Variants in ATP6V0A2 observed in about 807,000 individuals in gnomAD.
The protein encoded by ATP6V0A2 is V-type proton ATPase 116 kDa subunit a 2.
ATP6V0A2 carries 58 observed loss-of-function variants against 104.4 expected under a neutral mutation model. The ratio of observed to expected loss-of-function variants is 0.56; its 90% CI spans 0.45 to 0.69. The LOEUF is 0.69. Ranked by LOEUF, ATP6V0A2 falls within the 30% of genes least tolerant of loss-of-function variation. The pLI, the probability that ATP6V0A2 is intolerant of heterozygous loss-of-function variation, is 0.00. For missense variants in ATP6V0A2, 938 were observed against 1,062.9 expected (o/e 0.88, Z 1.63); for synonymous variants, 376 against 397.9 (o/e 0.95, Z 0.65).
rs564306412 is a variant in ATP6V0A2 at position 123,722,720 on chromosome 12, G to T, written c.294+272G>T. Among the ~76,000 whole-genome samples the T allele has an allele frequency of 5.9e-5, 9 of 152,202 alleles. No individual in the cohort carries two copies. In the South Asian group the frequency reaches 8.3e-4, roughly 14 times the overall value. On this transcript the variant is annotated intron_variant, in intron 3 of 19. Transcript: ENST00000330342. ...GGTGAACAGAGGCAACAAGAATCAG[G>T]CCATCAAGCCTGATTGATGGATCAG...
In ATP6V0A2 at chr12:123,754,144, C is replaced by G. The variant is rs538304340; in HGVS notation, c.2176-276C>G. 43 of 567,686 alleles carry G rather than the reference C, an allele frequency of 7.6e-5. 1 individual carries two copies. The South Asian group carries it at 9.9e-4, about 13-fold the overall frequency. 35.2% of individuals were successfully genotyped at this position (567,686 alleles called of 1,614,324 possible). A position where few individuals can be genotyped will look rare whatever the true frequency, so the allele number is the denominator to read the frequency against. ...GGCCACGGCAGTTCCTCTGGTCTAC[C>G]TTCTTGGTTTACACAGGGGAGTCTG... On this transcript the variant is annotated intron_variant, in intron 17 of 19. Transcript: ENST00000330342.
chr12:123,724,040 T>C (rs2135886686), intron 3 of ATP6V0A2: 1 of 152,204 alleles, frequency 6.6e-6, no homozygotes, highest in South Asian at 2.1e-4. Flanking sequence ...TAATATGTGG[T>C]GTGAACTTCA....
intron 1 of ATP6V0A2, among the ~76,000 whole-genome samples, chr12:123,717,314 CAAA>C (rs538974425): frequency 0.56 from 59,197 of 106,020 alleles, 15,072 homozygotes; most frequent in East Asian, 0.91. Context: ...AACTCTGTCT[CAAA>C]AAAAAAAAAA....
chr12:123,743,114 C>T (rs548124294), intron 9 of ATP6V0A2, among the ~76,000 whole-genome samples: 1 of 152,228 alleles, frequency 6.6e-6, no homozygotes, highest in East Asian at 1.9e-4. Context: ...TACTCAGTGT[C>T]GGTTTTCTGT....
intron 17 of ATP6V0A2, among the ~76,000 whole-genome samples, chr12:123,752,892 C>T (rs2135919235): frequency 6.6e-6 from 1 of 152,238 alleles, no homozygotes; most frequent in Non-Finnish European, 1.5e-5. Context: ...ATTGTGAAGT[C>T]AGTTGGCCCC....
In ATP6V0A2 at chr12:123,748,718, T is replaced by A; in HGVS notation, c.1868T>A (p.Ile623Asn). Reference protein sequence around the residue: ...SAETSRVAPSILIEFINMFLF... With the variant: ...SAETSRVAPSNLIEFINMFLF... ...GAAACCTCCAGAGTTGCTCCCAGCA[T>A]TCTGATTGAATTTATTAACATGTTT... The change falls in exon 15 of 20, where the codon ATT (isoleucine) becomes AAT (asparagine). Residue 623 changes from isoleucine (I) to asparagine (N), a missense_variant. Coordinates refer to ENST00000330342, the MANE Select transcript of ATP6V0A2 (RefSeq NM_012463.4). The A allele has an allele frequency of 6.2e-7, 1 of 1,614,222 alleles. No homozygotes were observed. Among genetic ancestry groups the A allele is most frequent in the Non-Finnish European group, 8.5e-7 (1 of 1,180,034 alleles).
At chr12:123,747,456 TTC>T (rs779731903) in intron 13 of ATP6V0A2, 149 bp from the exon 14 acceptor site, 138 of 699,022 alleles carry the variant, frequency 2.0e-4, no homozygotes, top group Non-Finnish European at 2.1e-4. Context: ...AAATCAATGG[TTC>T]TCAGATTGAA....
chr12:123,720,900 G>T (rs1437449357), intron 2 of ATP6V0A2, among the ~76,000 whole-genome samples: 1 of 151,766 alleles, frequency 6.6e-6, no homozygotes, highest in Non-Finnish European at 1.5e-5. Flanking sequence ...AGTATAAATT[G>T]GTTAAAACAA....
In ATP6V0A2 at chr12:123,748,580, T is replaced by G. The variant is rs758783572; in HGVS notation, c.1730T>G (p.Phe577Cys). The G allele has an allele frequency of 6.2e-7, 1 of 1,612,662 alleles. No individual in the cohort carries two copies. Among genetic ancestry groups the G allele is most frequent in the African/African-American group, 1.3e-5 (1 of 74,922 alleles). Residue 577 changes from phenylalanine (F) to cysteine (C), a missense_variant, in exon 15 of 20, where the codon TTC becomes TGC. By Grantham distance (205) the Phe-to-Cys change is radical. Transcript: ENST00000330342. ...TGATTCCTTTTCTTTCCTAGGCACT[T>G]CAGGAAGAAGTTCAACATTTACCTG... Reference protein sequence around the residue: ...VILGIFNHLHFRKKFNIYLVS... With the variant: ...VILGIFNHLHCRKKFNIYLVS...
At chr12:123,748,187 A>G (rs903618375) in intron 14 of ATP6V0A2, among the ~76,000 whole-genome samples, 2 of 152,250 alleles carry the variant, frequency 1.3e-5, no homozygotes, top group Admixed American at 1.3e-4. Context: ...TCTGATCTCT[A>G]AACATAATTT....
rs182426695 is a variant in ATP6V0A2, at chr12:123,733,769, A to G, written c.649-157A>G. 5.8e-4 allele frequency: 385 copies of G among 664,102 alleles called. 2 individuals are homozygous for G. The highest frequency in any genetic ancestry group is 5.6e-3 in the African/African-American group (314 of 55,756). 41.1% of individuals were successfully genotyped at this position (664,102 alleles called of 1,614,324 possible). A position where few individuals can be genotyped will look rare whatever the true frequency, so the allele number is the denominator to read the frequency against. On this transcript the variant is annotated intron_variant, in intron 6 of 19. Transcript: ENST00000330342. The stretch of plus-strand genomic sequence containing the variant: ...CGTGGATTGGTTTGGGGCTGTTACT[A>G]CAAGTAGGTGAATTCGTAATTACAG...
Position 123,744,269 on chromosome 12 carries a change from G to T in ATP6V0A2, c.1258G>T (p.Val420Leu), listed in dbSNP as rs138716143. 5,803 of 1,614,140 alleles carry T rather than the reference G, an allele frequency of 3.6e-3. 17 individuals carry two copies. Among genetic ancestry groups the T allele is most frequent in the Non-Finnish European group, 4.6e-3 (5,399 of 1,180,028 alleles). ...GTTTGGAGACTTCGGACATGGCTTT[G>T]TGATGTTTTTATTTGCCCTCTTGTT... ...VMFGDFGHGF[V>L]MFLFALLLVL... is the part of the protein sequence containing the mutation. Residue 420 changes from valine (V) to leucine (L), a missense_variant, in exon 11 of 20, where the codon GTG becomes TTG. Val to Leu is a conservative substitution (Grantham distance 32). Transcript: ENST00000330342. This position sits in a 1 kb window ranked among gnomAD's most constrained non-coding sequence, Gnocchi z 5.4.
At chr12:123,731,768 C>CT (rs1199382998) in intron 6 of ATP6V0A2, 1 of 152,220 alleles carries the variant, frequency 6.6e-6, no homozygotes, top group African/African-American at 2.4e-5. Flanking sequence ...AGTTAACTGA[C>CT]TTATTCATTC....
rs1236454483 is a variant in ATP6V0A2 at position 123,758,293 on chromosome 12, T to C, written c.*261T>C. 1 of 312,550 alleles carries C rather than the reference T, an allele frequency of 3.2e-6. No homozygotes were observed. Among genetic ancestry groups the C allele is most frequent in the Admixed American group, 4.6e-5 (1 of 21,542 alleles). 19.4% of individuals were successfully genotyped at this position (312,550 alleles called of 1,614,324 possible). ...GCCAAACGTTATGTTAAAGTTATTT[T>C]TTCAAATACAGGATTTGGGGAGAGA... On this transcript the variant is annotated 3_prime_UTR_variant, in exon 20 of 20. Coordinates refer to ENST00000330342, the MANE Select transcript of ATP6V0A2 (RefSeq NM_012463.4).
chr12:123,733,633 T>C (rs1956524888), intron 6 of ATP6V0A2: 1 of 428,582 alleles, frequency 2.3e-6, no homozygotes, highest in Non-Finnish European at 4.3e-6. Flanking sequence ...TTGGTGATAG[T>C]CTGAGAGCAG....
chr12:123,743,741 CT>C lies in ATP6V0A2; in HGVS notation c.1039-42del, dbSNP rs771116053. 3 of 1,608,924 alleles carry C rather than the reference CT, an allele frequency of 1.9e-6. No homozygotes were observed. The African/African-American group carries it at 4.0e-5, about 21-fold the overall frequency. On this transcript the variant is annotated intron_variant, in intron 9 of 19. Coordinates refer to ENST00000330342, the MANE Select transcript of ATP6V0A2 (RefSeq NM_012463.4). ...TTCGTTGAATATGGATAGTTATTTT[CT>C]TCTTGGATAGTAATTTTTTATCTTT...
At chr12:123,750,853 A>G in intron 15 of ATP6V0A2, 1 of 488,594 alleles carries the variant, frequency 2.0e-6, no homozygotes, top group East Asian at 4.0e-5. Flanking sequence ...CTCTCTTTAG[A>G]ATTTTTGTAA....
intron 19 of ATP6V0A2, 118 bp downstream of exon 19, chr12:123,757,104 T>C (rs535388363): frequency 8.8e-7 from 1 of 1,141,668 alleles, no homozygotes; most frequent in Non-Finnish European, 1.3e-6. Flanking sequence ...TTAGGCCAGT[T>C]CTTCCCTTCC....
At chr12:123,737,449 G>A (rs2135902348) in intron 9 of ATP6V0A2, 178 bp downstream of exon 9, 1 of 686,890 alleles carries the variant, frequency 1.5e-6, no homozygotes, top group Non-Finnish European at 2.5e-6. Context: ...GGGTTTTGCT[G>A]TGTTGCCCAG....
Sources: gnomAD v4.1 joint callset for allele counts (sites outside exome capture counted in the v4.1 genomes callset) on GRCh38, gnomAD v4.1.1 for gene constraint, Gnocchi (gnomAD v3.1) non-coding constraint, MANE v1.5 for transcripts, NCBI Gene and HGNC (gene_info 2026-07-23, HGNC 2026-07-21) for gene names.